NCKAP5L: variants seen among roughly 807,000 people sequenced by gnomAD.
NCKAP5L encodes nck-associated protein 5-like.
In NCKAP5L, 54 loss-of-function variants were observed where a neutral mutation model predicts 103.2. The observed-to-expected ratio is 0.52, with a 90% confidence interval of 0.42 to 0.66. The LOEUF is 0.66. Among genes scored for constraint, NCKAP5L ranks in the 30% least tolerant of loss-of-function variants. The pLI is 0.00. For synonymous variants in NCKAP5L, 762 were observed against 748.6 expected (o/e 1.02, Z -0.29); for missense variants, 1,733 against 1,750.6 (o/e 0.99, Z 0.18).
intron 1 of NCKAP5L, among the ~76,000 whole-genome samples, chr12:49,821,787 G>A (rs1042824943): frequency 1.3e-5 from 2 of 152,186 alleles, no homozygotes; most frequent in African/African-American, 4.8e-5. Context: ...TAATCTGCTG[G>A]CTGAATGAAC....
In NCKAP5L at chr12:49,792,221, G is replaced by T; in HGVS notation, c.3793-170C>A. 2 of 1,079,442 alleles carry T rather than the reference G, an allele frequency of 1.9e-6. No homozygotes were observed. The highest frequency in any genetic ancestry group is 2.7e-6 in the Non-Finnish European group (2 of 734,206). The allele number at this position is 1,079,442 out of a possible 1,614,324, so 66.9% of individuals were successfully genotyped here. On this transcript the variant is annotated intron_variant, in intron 12 of 12. Transcript: ENST00000335999. This position sits in a 1 kb window ranked among gnomAD's most constrained non-coding sequence, Gnocchi z 4.5. ...CAGGCTGGAGGTACAACTGAGAACA[G>T]TCCTACAAGGTTCTGGGGAGGGACA...
intron 6 of NCKAP5L, among the ~76,000 whole-genome samples, chr12:49,801,242 C>T (rs929525783): frequency 1.3e-4 from 20 of 152,322 alleles, no homozygotes; most frequent in Non-Finnish European, 2.2e-4. Context: ...TCAGAAACAA[C>T]CTGCTGCTCA....
At position 49,812,674 on chromosome 12, in the gene NCKAP5L, C is replaced by T. The variant is rs139238497; in HGVS notation, c.-98-6633G>A. On this transcript the variant is annotated intron_variant, in intron 1 of 12. Transcript: ENST00000335999. ...GGATTACAGGCATGAGCCACCACACCCAGCCTCCATTCCTTTGTATGGGTG... is the reference window on the plus strand; with the variant it reads ...GGATTACAGGCATGAGCCACCACACTCAGCCTCCATTCCTTTGTATGGGTG... Among the ~76,000 whole-genome samples the T allele has an allele frequency of 5.8e-3, 888 of 152,318 alleles. 3 individuals carry two copies. The highest frequency in any genetic ancestry group is 0.01 in the Middle Eastern group (3 of 294).
At chr12:49,822,844 T>C (rs1946375925) in intron 1 of NCKAP5L, among the ~76,000 whole-genome samples, 1 of 151,994 alleles carries the variant, frequency 6.6e-6, no homozygotes, top group South Asian at 2.1e-4. Flanking sequence ...CCAGCAGAGA[T>C]TTCAATTTTC....
chr12:49,825,321 C>T (rs1304310477), intron 1 of NCKAP5L, among the ~76,000 whole-genome samples: 14 of 152,242 alleles, frequency 9.2e-5, no homozygotes, highest in African/African-American at 2.4e-4. Context: ...CTGCCAGGTT[C>T]GGGTGAGGGT....
chr12:49,804,090 G>A lies in NCKAP5L; in HGVS notation c.-36-10C>T, dbSNP rs1312034477. 6.3e-7 allele frequency: 1 copy of A among 1,599,428 alleles called. No homozygotes were observed. Among genetic ancestry groups the A allele is most frequent in the Non-Finnish European group, 8.5e-7 (1 of 1,178,176 alleles). ...GAGAAGCCCCGGCAGGCTACTCCAG[G>A]GAATGAGGAGGAAGTGAGAAGGAGG... is the stretch of plus-strand genomic sequence containing the variant. On this transcript the variant is annotated splice_polypyrimidine_tract_variant and intron_variant, in intron 2 of 12. Transcript: ENST00000335999.
Position 49,795,858 on chromosome 12 carries a change from G to C in NCKAP5L, c.2002C>G (p.Leu668Val). The change falls in exon 8 of 13, where the codon CTG (leucine) becomes GTG (valine). Residue 668 changes from leucine to valine, a missense_variant. By Grantham distance (32) the Leu-to-Val change is conservative. Coordinates refer to ENST00000335999, the MANE Select transcript of NCKAP5L (RefSeq NM_001037806.4). ...TCGGGGCCTGTCTTCAGCTTCCCCA[G>C]GGCCGCCAGTCTGTCCCGCAGAGGT... ...STPLRDRLAA[L>V]GKLKTGPEGA... The C allele has an allele frequency of 6.4e-7, 1 of 1,567,488 alleles. No individual in the cohort carries two copies. The highest frequency in any genetic ancestry group is 8.6e-7 in the Non-Finnish European group (1 of 1,158,790).
rs779849101 is a variant in NCKAP5L, at chr12:49,798,402, G to A, written c.413C>T (p.Thr138Ile). The A allele has an allele frequency of 6.3e-7, 1 of 1,578,554 alleles. No individual in the cohort carries two copies. The highest frequency in any genetic ancestry group is 1.8e-5 in the Admixed American group (1 of 54,152). ...EPPASPSLSS[T>I]EGPAAPLPLG... ...AGGCAGCGGGGCAGCCGGTCCCTCA[G>A]TGGAGCTCAGGGAGGGGGAGGCTGG... The change falls in exon 7 of 13, where the codon ACT becomes ATT. Residue 138 changes from threonine (T) to isoleucine (I), a missense_variant. Physicochemically the swap from Thr to Ile is moderately conservative, Grantham distance 89. Coordinates refer to ENST00000335999, the MANE Select transcript of NCKAP5L (RefSeq NM_001037806.4).
In NCKAP5L at chr12:49,793,892, C is replaced by T; in HGVS notation, c.3100G>A (p.Asp1034Asn). 6.5e-7 allele frequency: 1 copy of T among 1,547,046 alleles called. No homozygotes were observed. The change falls in exon 9 of 13, where the codon GAT becomes AAT. Residue 1034 changes from aspartate (D) to asparagine (N), a missense_variant. Physicochemically the swap from Asp to Asn is conservative, Grantham distance 23. Transcript: ENST00000335999. ...CTCTTGGATGGCAGCTCCTTGCCAT[C>T]CACCCTATGGGCAACAGTGCAGATA... ...TFMQQLLNRV[D>N]GKELPSKSWR... is the part of the protein sequence containing the mutation.
intron 1 of NCKAP5L, among the ~76,000 whole-genome samples, chr12:49,813,966 C>T (rs957920401): frequency 1.3e-5 from 2 of 151,996 alleles, no homozygotes; most frequent in African/African-American, 4.8e-5. Context: ...ACTAGGACTA[C>T]CACAGCTGGC....
At position 49,794,924 on chromosome 12, in the gene NCKAP5L, C is replaced by T. The variant is rs770524990; in HGVS notation, c.2936G>A (p.Arg979His). The change falls in exon 8 of 13, where the codon CGT becomes CAT. Residue 979 changes from arginine to histidine, a missense_variant. Coordinates refer to ENST00000335999, the MANE Select transcript of NCKAP5L (RefSeq NM_001037806.4). Reference sequence around the variant, plus strand: ...GGCCTTCTCCTCTTCCAGTGCCCGACGCAGGTCTTCCGCCTTGGCCATCAG... The same window carrying T: ...GGCCTTCTCCTCTTCCAGTGCCCGATGCAGGTCTTCCGCCTTGGCCATCAG... ...SKLMAKAEDL[R>H]RALEEEKAYL... The T allele has an allele frequency of 1.6e-5, 25 of 1,555,988 alleles. No individual in the cohort carries two copies. The highest frequency in any genetic ancestry group is 4.6e-5 in the East Asian group (2 of 43,172).
chr12:49,795,876 G>T lies in NCKAP5L; in HGVS notation c.1984C>A (p.Arg662=). 1 of 1,554,442 alleles carries T rather than the reference G, an allele frequency of 6.4e-7. No homozygotes were observed. The highest frequency in any genetic ancestry group is 1.2e-5 in the South Asian group (1 of 82,518). Residue 662 remains arginine (R), a synonymous_variant, in exon 8 of 13, where the codon CGG becomes AGG. Coordinates refer to ENST00000335999, the MANE Select transcript of NCKAP5L (RefSeq NM_001037806.4). ...TTCCCCAGGGCCGCCAGTCTGTCCC[G>T]CAGAGGTGTGCTGCCAGGATCCCCA... The part of the protein sequence containing the change: ...RPGDPGSTPL[R]DRLAALGKLK...
intron 3 of NCKAP5L, 95 bp from the exon 4 acceptor site, chr12:49,803,260 AG>A: frequency 2.4e-6 from 3 of 1,237,000 alleles, no homozygotes; most frequent in Middle Eastern, 2.0e-4. Flanking sequence ...AGGCAACTAC[AG>A]GGGTGCTAAC....
chr12:49,802,902 G>GAAGGGTCTC, intron 5 of NCKAP5L, 56 bp downstream of exon 5: 1 of 1,562,404 alleles, frequency 6.4e-7, no homozygotes, highest in Non-Finnish European at 8.7e-7. Flanking sequence ...TAGTCTCCAG[G>GAAGGGTCTC]AAGGGTCTCA....
chr12:49,797,713 C>T lies in NCKAP5L; in HGVS notation c.466-319G>A, dbSNP rs1946074189. Among the ~76,000 whole-genome samples, 1 of 152,156 alleles carries T rather than the reference C, an allele frequency of 6.6e-6. No homozygotes were observed. The highest frequency in any genetic ancestry group is 2.4e-5 in the African/African-American group (1 of 41,428). On this transcript the variant is annotated intron_variant, in intron 7 of 12. Transcript: ENST00000335999. This position sits in a 1 kb window ranked among gnomAD's most constrained non-coding sequence, Gnocchi z 4.5. Reference sequence around the variant, plus strand: ...AGGGCTGACCACCTAAAACTCTGACCTCTGTGTTTGTCCCAGGGGAGGGAG... The same window carrying T: ...AGGGCTGACCACCTAAAACTCTGACTTCTGTGTTTGTCCCAGGGGAGGGAG...
At position 49,804,048 on chromosome 12, in the gene NCKAP5L, G is replaced by A; in HGVS notation, c.-4C>T. 1 of 1,609,412 alleles carries A rather than the reference G, an allele frequency of 6.2e-7. No homozygotes were observed. Among genetic ancestry groups the A allele is most frequent in the East Asian group, 2.2e-5 (1 of 44,886 alleles). On this transcript the variant is annotated 5_prime_UTR_variant, in exon 3 of 13. Coordinates refer to ENST00000335999, the MANE Select transcript of NCKAP5L (RefSeq NM_001037806.4). ...GCTGGTCCATGGCCTCTGACATCTG[G>A]CCCTGGGAACAAGGAAGAGAAGCCC...
chr12:49,795,814 C>T lies in NCKAP5L; in HGVS notation c.2046G>A (p.Glu682=), dbSNP rs936643833. 19 of 1,570,776 alleles carry T rather than the reference C, an allele frequency of 1.2e-5. No homozygotes were observed. The highest frequency in any genetic ancestry group is 1.6e-5 in the Non-Finnish European group (19 of 1,158,366). The change falls in exon 8 of 13, where the codon GAG becomes GAA. Residue 682 remains glutamate (E), a synonymous_variant. Transcript: ENST00000335999. ...CAGGCCTGGCTGGCACCCCATTCTTCTCTGAGCCCAGGGCCCCCTCGGGGC... is the reference window on the plus strand; with the variant it reads ...CAGGCCTGGCTGGCACCCCATTCTTTTCTGAGCCCAGGGCCCCCTCGGGGC... ...KTGPEGALGS[E]KNGVPARPGT...
At chr12:49,793,588 C>T (rs755433927) in intron 9 of NCKAP5L, 146 bp downstream of exon 9, 120 of 1,255,482 alleles carry the variant, frequency 9.6e-5, no homozygotes, top group Admixed American at 1.3e-4. Flanking sequence ...ACTGGGAAGC[C>T]CCTCTCCCCT....
chr12:49,802,836 C>CA (rs1346387960), intron 5 of NCKAP5L, 122 bp downstream of exon 5: 1 of 1,221,882 alleles, frequency 8.2e-7, no homozygotes, highest in Non-Finnish European at 1.1e-6. Flanking sequence ...TGGACCCGCC[C>CA]AAGGCGGAAA....
Sources: gnomAD v4.1 joint callset for allele counts (sites outside exome capture counted in the v4.1 genomes callset) on GRCh38, gnomAD v4.1.1 for gene constraint, Gnocchi (gnomAD v3.1) non-coding constraint, MANE v1.5 for transcripts, NCBI Gene and HGNC (gene_info 2026-07-23, HGNC 2026-07-21) for gene names.